TMEM181: variants seen among roughly 807,000 people sequenced by gnomAD.
The protein encoded by TMEM181 is G protein-coupled receptor 178.
In TMEM181, 39 loss-of-function variants were observed where a neutral mutation model predicts 71.9. That is an observed-to-expected ratio of 0.54 (90% CI 0.42 to 0.71). The LOEUF (loss-of-function observed/expected upper bound fraction) is 0.71, where lower values mean the gene tolerates loss of function less well. Ranked by LOEUF, TMEM181 falls within the 30% of genes least tolerant of loss-of-function variation. TMEM181 has a pLI of 0.00. For synonymous variants in TMEM181, 245 were observed against 228.8 expected, an observed-to-expected ratio of 1.07 and a Z score of -0.64; for missense variants, 595 against 583.0, an observed-to-expected ratio of 1.02 and a Z score of -0.21.
At chr6:158,600,103 C>A (rs1312180086) in intron 6 of TMEM181, among the ~76,000 whole-genome samples, 1 of 152,176 alleles carries the variant, frequency 6.6e-6, no homozygotes, top group Non-Finnish European at 1.5e-5. Context: ...TCTCAGCTCA[C>A]ATTTTAGAAC....
intron 1 of TMEM181, among the ~76,000 whole-genome samples, chr6:158,564,612 C>T (rs572050172): frequency 7.9e-5 from 12 of 152,354 alleles, no homozygotes; most frequent in African/African-American, 2.9e-4. Context: ...TGGCTGAGTT[C>T]TTGCCACGCT....
At chr6:158,574,170 T>C (rs1783031281) in intron 2 of TMEM181, among the ~76,000 whole-genome samples, 1 of 152,232 alleles carries the variant, frequency 6.6e-6, no homozygotes. Context: ...ATAAGGGTGA[T>C]TTCTGGTAGA....
rs1786462014 is a variant in TMEM181, at chr6:158,628,390, C to T, written c.1110-18C>T. ...CGTGCATGTTTACATATTGTCTCTG[C>T]TCCTCTGTCTTGTTCAGCATCGCCA... is the stretch of plus-strand genomic sequence containing the variant. On this transcript the variant is annotated intron_variant, in intron 13 of 16. Coordinates refer to ENST00000684151, the MANE Select transcript of TMEM181 (RefSeq NM_001376852.1). 6.2e-7 allele frequency: 1 copy of T among 1,613,272 alleles called. No individual in the cohort carries two copies. Among genetic ancestry groups the T allele is most frequent in the African/African-American group, 1.3e-5 (1 of 74,918 alleles).
intron 1 of TMEM181, among the ~76,000 whole-genome samples, chr6:158,565,158 T>A (rs1782415255): frequency 6.6e-6 from 1 of 152,238 alleles, no homozygotes; most frequent in South Asian, 2.1e-4. Flanking sequence ...TTTGAGGTGT[T>A]CTCACGACCT....
intron 3 of TMEM181, among the ~76,000 whole-genome samples, chr6:158,581,622 G>C (rs911046625): frequency 6.6e-6 from 1 of 151,878 alleles, no homozygotes; most frequent in Non-Finnish European, 1.5e-5. Context: ...GGCGTGGTGG[G>C]GGGGCGCCTG....
intron 2 of TMEM181, among the ~76,000 whole-genome samples, chr6:158,575,959 C>T (rs1439521618): frequency 6.6e-6 from 1 of 152,140 alleles, no homozygotes; most frequent in Non-Finnish European, 1.5e-5. Flanking sequence ...ATCAGATTCA[C>T]GGTGTTTCCT....
At chr6:158,625,481 G>T (rs1162267812) in intron 12 of TMEM181, among the ~76,000 whole-genome samples, 1 of 152,168 alleles carries the variant, frequency 6.6e-6, no homozygotes, top group Non-Finnish European at 1.5e-5. Flanking sequence ...ATCCTTTCCT[G>T]AATCTGTCCC....
intron 4 of TMEM181, among the ~76,000 whole-genome samples, chr6:158,584,782 A>G (rs1783672005): frequency 6.6e-6 from 1 of 152,230 alleles, no homozygotes; most frequent in South Asian, 2.1e-4. Flanking sequence ...AAAGCAAAAA[A>G]TTCATATTAC....
upstream of TMEM181, among the ~76,000 whole-genome samples, chr6:158,557,586 T>C (rs971555544): frequency 1.3e-5 from 2 of 152,074 alleles, no homozygotes; most frequent in African/African-American, 2.4e-5. Flanking sequence ...GGCGTGATCT[T>C]GGCTCACTGC....
At chr6:158,567,193 G>A (rs906589596) in intron 1 of TMEM181, among the ~76,000 whole-genome samples, 2 of 152,188 alleles carry the variant, frequency 1.3e-5, no homozygotes, top group Non-Finnish European at 2.9e-5. Context: ...TGTGGCCCCA[G>A]CAAGAAGAAG....
chr6:158,594,977 C>A (rs1490163637), intron 6 of TMEM181, among the ~76,000 whole-genome samples: 2 of 152,260 alleles, frequency 1.3e-5, no homozygotes, highest in African/African-American at 2.4e-5. Context: ...CATGCCTGGC[C>A]CCTACGTTTT....
At chr6:158,562,481 T>C (rs1438933730) in intron 1 of TMEM181, among the ~76,000 whole-genome samples, 1 of 151,202 alleles carries the variant, frequency 6.6e-6, no homozygotes, top group Non-Finnish European at 1.5e-5. Flanking sequence ...TGTGTCTTGC[T>C]TGGCACGTGA....
At chr6:158,566,707 G>T (rs1427580227) in intron 1 of TMEM181, among the ~76,000 whole-genome samples, 2 of 152,066 alleles carry the variant, frequency 1.3e-5, no homozygotes, top group Admixed American at 6.5e-5. Context: ...AGTTGAGGGA[G>T]GTGATGGGGT....
chr6:158,559,867 G>T (rs1056500164), upstream of TMEM181, among the ~76,000 whole-genome samples: 2 of 152,252 alleles, frequency 1.3e-5, no homozygotes, highest in African/African-American at 4.8e-5. Context: ...CTGCCCTAGG[G>T]ACAAGAGGTA....
chr6:158,600,609 T>C (rs1401000965), intron 6 of TMEM181, among the ~76,000 whole-genome samples: 1 of 151,864 alleles, frequency 6.6e-6, no homozygotes. Flanking sequence ...TAGCTGGGAT[T>C]ACAGGCAAGC....
intron 10 of TMEM181, chr6:158,611,128 C>G (rs1203780109): frequency 7.6e-6 from 4 of 524,028 alleles, no homozygotes; most frequent in African/African-American, 1.9e-5. Context: ...CAGTGGGTTT[C>G]TCCTGAGGGT....
chr6:158,578,239 G>C (rs1009976428), intron 2 of TMEM181, among the ~76,000 whole-genome samples: 1 of 152,224 alleles, frequency 6.6e-6, no homozygotes, highest in Admixed American at 6.5e-5. Context: ...TTGCTGAAGT[G>C]AGTCCTGCAG....
intron 2 of TMEM181, among the ~76,000 whole-genome samples, chr6:158,575,300 A>G (rs1218016959): frequency 1.3e-5 from 2 of 152,084 alleles, no homozygotes; most frequent in African/African-American, 2.4e-5. Context: ...TCATTTTGCA[A>G]ATGAGGAAAT....
At chr6:158,614,426 G>A (rs902165706) in intron 10 of TMEM181, among the ~76,000 whole-genome samples, 1 of 151,946 alleles carries the variant, frequency 6.6e-6, no homozygotes, top group East Asian at 1.9e-4. Context: ...CCTTGCATTC[G>A]TTTGCTATTA....
Sources: allele counts gnomAD v4.1 joint callset (sites outside exome capture counted in the v4.1 genomes callset), GRCh38; gene constraint gnomAD v4.1.1; transcripts MANE v1.5; gene names NCBI Gene and HGNC (gene_info 2026-07-23, HGNC 2026-07-21).